The following PTPN4 variants were observed in gnomAD, a reference collection of about 807,000 sequenced individuals.
PTPN4 encodes tyrosine-protein phosphatase non-receptor type 4.
PTPN4 carries 49 observed loss-of-function variants against 135.5 expected under a neutral mutation model. The observed-to-expected ratio is 0.36, with a 90% confidence interval of 0.29 to 0.46. The LOEUF (loss-of-function observed/expected upper bound fraction) is 0.46. PTPN4 is among the 20% of genes least tolerant of loss of function. The probability of loss-of-function intolerance (pLI) is 1.00; values close to 1 mark genes in which losing one functional copy is unlikely to be tolerated. For synonymous variants in PTPN4, 333 were observed against 369.9 expected (o/e 0.90, Z 1.14); for missense variants, 860 against 1,101.0 (o/e 0.78, Z 3.10).
intron 2 of PTPN4, among the ~76,000 whole-genome samples, chr2:119,827,022 T>G (rs1677156162): frequency 1.3e-5 from 2 of 152,296 alleles, no homozygotes; most frequent in South Asian, 4.1e-4. Flanking sequence ...AGTGAGACCC[T>G]ATCTCTAAAA....
chr2:119,882,111 C>G lies in PTPN4; in HGVS notation c.428C>G (p.Ser143Cys). ...TGTTTTATTAGATTACCCTGTCCTT[C>G]TAATACTGCTGCCCTTTTAGCTTCA... ...DILTGRLPCP[S>C]NTAALLASFA... The change falls in exon 7 of 27, where the codon TCT becomes TGT. Residue 143 changes from serine to cysteine, a missense_variant. Physicochemically the swap from Ser to Cys is moderately radical, Grantham distance 112. This residue lies in a region of PTPN4 where 684 missense variants were observed against 807.0 expected (regional missense o/e 0.85). Transcript: ENST00000263708. 1 of 1,609,710 alleles carries G rather than the reference C, an allele frequency of 6.2e-7. No individual in the cohort carries two copies. The highest frequency in any genetic ancestry group is 8.5e-7 in the Non-Finnish European group (1 of 1,176,180).
At chr2:119,810,059 CTA>C (rs1691551444) in intron 2 of PTPN4, 68 bp downstream of exon 2, 1 of 1,471,472 alleles carries the variant, frequency 6.8e-7, no homozygotes, top group African/African-American at 1.4e-5. Flanking sequence ...TATATGTAAA[CTA>C]GGATTATTAA....
chr2:119,810,418 A>T (rs968374769), intron 2 of PTPN4, among the ~76,000 whole-genome samples: 1 of 152,188 alleles, frequency 6.6e-6, no homozygotes, highest in East Asian at 1.9e-4. Flanking sequence ...TTTAACAAAT[A>T]TTTGTTCATC....
At chr2:119,931,266 A>G (rs1198002005) in intron 13 of PTPN4, among the ~76,000 whole-genome samples, 2 of 152,082 alleles carry the variant, frequency 1.3e-5, no homozygotes, top group Non-Finnish European at 2.9e-5. Context: ...CCAGGCATTT[A>G]AAGAAATAAC....
At chr2:119,829,602 C>T (rs182731799) in intron 2 of PTPN4, among the ~76,000 whole-genome samples, 1 of 152,262 alleles carries the variant, frequency 6.6e-6, no homozygotes, top group East Asian at 1.9e-4. Flanking sequence ...TGGCTTATTT[C>T]ACTTAGCTTA....
At chr2:119,793,617 T>G (rs1691192493) in intron 1 of PTPN4, among the ~76,000 whole-genome samples, 4 of 152,008 alleles carry the variant, frequency 2.6e-5, no homozygotes, top group Admixed American at 2.0e-4. Flanking sequence ...GTCATCACAG[T>G]TTATGTTTAG....
intron 20 of PTPN4, among the ~76,000 whole-genome samples, chr2:119,955,588 T>G (rs1416594610): frequency 1.3e-5 from 2 of 152,186 alleles, no homozygotes; most frequent in Non-Finnish European, 2.9e-5. Flanking sequence ...TTTCTATAGT[T>G]AAATAGCTGT....
At chr2:119,929,716 C>T (rs544007299) in intron 13 of PTPN4, among the ~76,000 whole-genome samples, 1 of 152,020 alleles carries the variant, frequency 6.6e-6, no homozygotes, top group East Asian at 1.9e-4. Context: ...GTGGGTGGGT[C>T]CCTGAGGTTA....
chr2:119,964,241 C>T (rs1316005412), intron 24 of PTPN4, among the ~76,000 whole-genome samples: 1 of 152,124 alleles, frequency 6.6e-6, no homozygotes, highest in Admixed American at 6.5e-5. Context: ...TAGCATAAGA[C>T]TGATCCTTTA....
At chr2:119,873,250 A>T (rs1677939918) in intron 3 of PTPN4, among the ~76,000 whole-genome samples, 1 of 151,808 alleles carries the variant, frequency 6.6e-6, no homozygotes, top group Non-Finnish European at 1.5e-5. Flanking sequence ...TTGCAGAAAG[A>T]TACAGATATG....
chr2:119,892,937 A>G (rs1678263360), intron 9 of PTPN4, among the ~76,000 whole-genome samples: 1 of 150,278 alleles, frequency 6.7e-6, no homozygotes, highest in Non-Finnish European at 1.5e-5. Context: ...TATGTTGCTC[A>G]GGCTGATCTC....
intron 1 of PTPN4, among the ~76,000 whole-genome samples, chr2:119,796,584 A>G (rs1691264947): frequency 6.6e-6 from 1 of 152,194 alleles, no homozygotes; most frequent in African/African-American, 2.4e-5. Flanking sequence ...CTACAGGTCA[A>G]TTAATATCAC....
intron 22 of PTPN4, among the ~76,000 whole-genome samples, chr2:119,959,823 A>G (rs1679339686): frequency 6.6e-6 from 1 of 152,182 alleles, no homozygotes; most frequent in Non-Finnish European, 1.5e-5. Flanking sequence ...TTGCTGTCAA[A>G]TGAGCACAGG....
At chr2:119,917,411 C>A (rs1213405353) in intron 11 of PTPN4, among the ~76,000 whole-genome samples, 1 of 152,262 alleles carries the variant, frequency 6.6e-6, no homozygotes, top group South Asian at 2.1e-4. Context: ...AGGCACATTA[C>A]AACCTGTCTG....
chr2:119,898,992 C>T (rs182266852), intron 9 of PTPN4, among the ~76,000 whole-genome samples: 35 of 152,138 alleles, frequency 2.3e-4, no homozygotes, highest in Non-Finnish European at 8.8e-5. Flanking sequence ...TATGTACTGT[C>T]TTTTGTATTT....
chr2:119,841,426 A>G (rs1242022289), intron 2 of PTPN4, among the ~76,000 whole-genome samples: 1 of 152,104 alleles, frequency 6.6e-6, no homozygotes, highest in Non-Finnish European at 1.5e-5. Context: ...GCTTTCTGTT[A>G]CCTGCTACTT....
At chr2:119,911,070 CT>C (rs1429070691) in intron 10 of PTPN4, among the ~76,000 whole-genome samples, 1 of 152,048 alleles carries the variant, frequency 6.6e-6, no homozygotes, top group East Asian at 1.9e-4. Context: ...CTCCAGGCCC[CT>C]TGTTGTGAAT....
intron 1 of PTPN4, among the ~76,000 whole-genome samples, chr2:119,779,802 T>C (rs1369993986): frequency 6.6e-6 from 1 of 152,184 alleles, no homozygotes; most frequent in Non-Finnish European, 1.5e-5. Flanking sequence ...AGAAGGGCAG[T>C]GGTGTGATCT....
intron 2 of PTPN4, among the ~76,000 whole-genome samples, chr2:119,860,253 G>A (rs1445022598): frequency 6.6e-6 from 1 of 152,158 alleles, no homozygotes; most frequent in Non-Finnish European, 1.5e-5. Flanking sequence ...TTTAAATGGG[G>A]GCCAACATTG....
Sources: gnomAD v4.1 joint callset for allele counts (sites outside exome capture counted in the v4.1 genomes callset) on GRCh38, gnomAD v4.1.1 for gene constraint, gnomAD v4.1.1 regional missense constraint, MANE v1.5 for transcripts, NCBI Gene and HGNC (gene_info 2026-07-23, HGNC 2026-07-21) for gene names.